DCAF13: variants seen among roughly 807,000 people sequenced by gnomAD.
DCAF13 encodes the protein DDB1- and CUL4-associated factor 13.
A neutral mutation model predicts 59.0 loss-of-function variants in DCAF13; 38 were observed. The ratio of observed to expected loss-of-function variants is 0.64; its 90% CI spans 0.50 to 0.84. The LOEUF (loss-of-function observed/expected upper bound fraction) is 0.84. Among genes scored for constraint, DCAF13 ranks in the 40% least tolerant of loss-of-function variants. DCAF13 has a pLI of 0.00. For missense variants in DCAF13, 469 were observed against 558.4 expected (o/e 0.84, Z 1.61); for synonymous variants, 173 against 175.0 (o/e 0.99, Z 0.09).
intron 9 of DCAF13, 98 bp from the exon 10 acceptor site, chr8:103,441,357 A>G: frequency 3.4e-6 from 4 of 1,192,958 alleles, no homozygotes; most frequent in Non-Finnish European, 3.5e-6. Context: ...TGCATATCAT[A>G]AAAGATTAGG....
intron 5 of DCAF13, 140 bp downstream of exon 5, chr8:103,427,392 G>A: frequency 2.8e-6 from 2 of 718,640 alleles, no homozygotes; most frequent in South Asian, 3.8e-5. Context: ...GATTGTAAAT[G>A]AGTTCTGATA....
chr8:103,417,727 CTG>C (rs992408161), intron 1 of DCAF13, among the ~76,000 whole-genome samples: 4 of 151,580 alleles, frequency 2.6e-5, no homozygotes, highest in Non-Finnish European at 4.4e-5. Flanking sequence ...CTCAAAAACT[CTG>C]TTATTAATGG....
At chr8:103,418,010 C>A (rs923261447) in intron 1 of DCAF13, among the ~76,000 whole-genome samples, 1 of 151,814 alleles carries the variant, frequency 6.6e-6, no homozygotes, top group Non-Finnish European at 1.5e-5. Flanking sequence ...TGCCTGTAGT[C>A]CCAGCTACTC....
chr8:103,432,673 G>C lies in DCAF13; in HGVS notation c.717G>C (p.Met239Ile). Residue 239 changes from methionine (M) to isoleucine (I), a missense_variant, in exon 7 of 11, where the codon ATG becomes ATC. This residue lies in a region of DCAF13 where 355 missense variants were observed against 399.1 expected (regional missense o/e 0.89). Transcript: ENST00000612750. ...TCCTTTCTCAGGTTATCTTAGATATGAGAACAAATACAATCTGTTGGAACC... is the reference window on the plus strand; with the variant it reads ...TCCTTTCTCAGGTTATCTTAGATATCAGAACAAATACAATCTGTTGGAACC... ...ATPLKKVILD[M>I]RTNTICWNPM... The C allele has an allele frequency of 6.3e-7, 1 of 1,594,622 alleles. No individual in the cohort carries two copies. The highest frequency in any genetic ancestry group is 8.6e-7 in the Non-Finnish European group (1 of 1,164,524).
Position 103,427,243 on chromosome 8 carries a change from C to T in DCAF13, c.615C>T (p.Asn205=), listed in dbSNP as rs755186088. ...ACAGTATAAGTAGTGTTAAATTTAA[C>T]CCAATTGAGGTAATGTTTTTTTTTA... ...GFDSISSVKF[N]PIETFLLGSC... The change falls in exon 5 of 11, where the codon AAC becomes AAT. Residue 205 remains asparagine (N), a synonymous_variant. Transcript: ENST00000612750. 1 of 1,611,640 alleles carries T rather than the reference C, an allele frequency of 6.2e-7. No homozygotes were observed. Among genetic ancestry groups the T allele is most frequent in the Admixed American group, 1.7e-5 (1 of 59,660 alleles).
chr8:103,433,993 C>T (rs545027113), intron 7 of DCAF13, among the ~76,000 whole-genome samples: 18 of 152,156 alleles, frequency 1.2e-4, no homozygotes, highest in Admixed American at 2.6e-4. Flanking sequence ...AGAGTGTCCT[C>T]GGAATTTCTC....
intron 3 of DCAF13, among the ~76,000 whole-genome samples, chr8:103,421,844 A>G (rs1187847107): frequency 1.3e-5 from 2 of 152,188 alleles, no homozygotes; most frequent in East Asian, 1.9e-4. Context: ...TATGTGTCAC[A>G]TTTTGTTTAT....
At chr8:103,418,902 G>T (rs1211514703) in intron 1 of DCAF13, among the ~76,000 whole-genome samples, 1 of 35,426 alleles carries the variant, frequency 2.8e-5, no homozygotes, top group Non-Finnish European at 5.6e-5. Flanking sequence ...TTTTTTTTTT[G>T]AGATGAAGTC....
chr8:103,415,559 C>T, intron 1 of DCAF13, 43 bp downstream of exon 1: 3 of 1,559,572 alleles, frequency 1.9e-6, no homozygotes, highest in Non-Finnish European at 2.6e-6. Flanking sequence ...TTCCGCAAGT[C>T]GTTGGGTCTA....
chr8:103,426,107 G>GTGGTAA lies in DCAF13; in HGVS notation c.430_431insTGGTAA (p.Gly144delinsValValArg), dbSNP rs1816789645. Reference sequence around the variant, plus strand: ...GTGGAAAATGGATGGGCCAGGCTATGGAGACGAGGAAGAGCCATTACATAC... The same window carrying GTGGTAA: ...GTGGAAAATGGATGGGCCAGGCTATGTGGTAAGAGACGAGGAAGAGCCATTACATAC... On this transcript the variant is annotated protein_altering_variant, in exon 4 of 11. Transcript: ENST00000612750. 1 of 1,612,382 alleles carries GTGGTAA rather than the reference G, an allele frequency of 6.2e-7. No individual in the cohort carries two copies. The highest frequency in any genetic ancestry group is 1.3e-5 in the African/African-American group (1 of 74,858).
chr8:103,419,190 G>A (rs1000570817), intron 1 of DCAF13, among the ~76,000 whole-genome samples: 1 of 151,768 alleles, frequency 6.6e-6, no homozygotes, highest in Non-Finnish European at 1.5e-5. Context: ...GGCCCTAAGC[G>A]TGATTATTAA....
rs573429206 is a variant in DCAF13 at position 103,433,725 on chromosome 8, TCCAG to T, written c.785+987_785+990del. ...GTGAGTTGTAATTGGGCCACTGCAC[TCCAG>T]CCTGGCCAACAGAACAAGACCCTGG... On this transcript the variant is annotated intron_variant, in intron 7 of 10. Transcript: ENST00000612750. 9.8e-4 allele frequency among the ~76,000 whole-genome samples: 149 copies of T among 152,150 alleles called. 1 individual carries two copies. The highest frequency in any genetic ancestry group is 3.2e-3 in the African/African-American group (134 of 41,544).
chr8:103,415,477 G>A lies in DCAF13; in HGVS notation c.31G>A (p.Asp11Asn). The A allele has an allele frequency of 6.2e-7, 1 of 1,613,458 alleles. No individual in the cohort carries two copies. The highest frequency in any genetic ancestry group is 8.5e-7 in the Non-Finnish European group (1 of 1,179,536). The change falls in exon 1 of 11, where the codon GAC becomes AAC. Residue 11 changes from aspartate to asparagine, a missense_variant. Transcript: ENST00000612750. The stretch of plus-strand genomic sequence containing the variant: ...GGTGAAGATGCTGAGCCGGAATCCG[G>A]ACAATTATGTCCGCGAAACCAAGTT... MKVKMLSRNP[D>N]NYVRETKLDL...
At chr8:103,420,489 T>C in intron 2 of DCAF13, 26 bp downstream of exon 2, 1 of 1,598,504 alleles carries the variant, frequency 6.3e-7, no homozygotes, top group Non-Finnish European at 8.5e-7. Context: ...GATGATATTT[T>C]CAACTAAAAG....
chr8:103,434,689 T>C (rs1816910821), intron 7 of DCAF13, among the ~76,000 whole-genome samples: 1 of 152,098 alleles, frequency 6.6e-6, no homozygotes, highest in Non-Finnish European at 1.5e-5. Context: ...TCAAGTATTT[T>C]TATATTAGGA....
At chr8:103,438,421 AT>A (rs35866941) in intron 8 of DCAF13, among the ~76,000 whole-genome samples, 248 of 140,686 alleles carry the variant, frequency 1.8e-3, no homozygotes, top group Admixed American at 2.1e-3. Context: ...TAGTCGAGAG[AT>A]TTTTTTTTTT....
Position 103,421,034 on chromosome 8 carries a change from C to G in DCAF13, c.330C>G (p.Gly110=), listed in dbSNP as rs776192350. The G allele has an allele frequency of 1.2e-6, 2 of 1,613,714 alleles. No homozygotes were observed. The highest frequency in any genetic ancestry group is 1.1e-5 in the South Asian group (1 of 91,070). ...TCCGTACAATACAAGCACATGAAGG[C>G]TTTGTACGAGGAATATGTACTCGCT... ...NCIRTIQAHE[G]FVRGICTRFC... is the part of the protein sequence containing the mutation. Residue 110 remains glycine, a synonymous_variant, in exon 3 of 11, where the codon GGC becomes GGG. Coordinates refer to ENST00000612750, the MANE Select transcript of DCAF13 (RefSeq NM_015420.7).
At chr8:103,431,583 C>G (rs1360614132) in intron 6 of DCAF13, among the ~76,000 whole-genome samples, 1 of 152,138 alleles carries the variant, frequency 6.6e-6, no homozygotes, top group African/African-American at 2.4e-5. Flanking sequence ...ATGGGAAGAT[C>G]CTATATGAAC....
At chr8:103,427,534 T>C (rs1447438744) in intron 5 of DCAF13, 2 of 401,378 alleles carry the variant, frequency 5.0e-6, no homozygotes, top group African/African-American at 2.1e-5. Context: ...GTTTTAACTT[T>C]AGTTTTACTC....
Sources: allele counts gnomAD v4.1 joint callset (sites outside exome capture counted in the v4.1 genomes callset), GRCh38; gene constraint gnomAD v4.1.1; regional missense constraint gnomAD v4.1.1; transcripts MANE v1.5; gene names NCBI Gene and HGNC (gene_info 2026-07-23, HGNC 2026-07-21).